STK39: variants seen among roughly 807,000 people sequenced by gnomAD.
STK39 encodes STE20/SPS1-related proline-alanine-rich protein kinase.
Under a neutral mutation model 77.8 loss-of-function variants are expected in STK39, and 20 were observed. That is an observed-to-expected ratio of 0.26 (90% CI 0.18 to 0.37). The LOEUF is 0.37. Among genes scored for constraint, STK39 ranks in the 10% least tolerant of loss-of-function variants. The pLI is 1.00. For synonymous variants in STK39, 246 were observed against 234.1 expected (o/e 1.05, Z -0.47); for missense variants, 479 against 656.5 (o/e 0.73, Z 2.95).
chr2:167,960,049 T>C (rs972411479), intron 17 of STK39, among the ~76,000 whole-genome samples: 1 of 152,250 alleles, frequency 6.6e-6, no homozygotes, highest in Non-Finnish European at 1.5e-5. Context: ...TTCTATTTCA[T>C]GGTTTTGCGT....
rs1160136521 is a variant in STK39 at position 167,955,370 on chromosome 2, A to T, written c.*126T>A. 1.1e-6 allele frequency: 1 copy of T among 902,508 alleles called. No individual in the cohort carries two copies. The highest frequency in any genetic ancestry group is 1.7e-6 in the Non-Finnish European group (1 of 594,344). 55.9% of individuals were successfully genotyped at this position (902,508 alleles called of 1,614,324 possible). On this transcript the variant is annotated 3_prime_UTR_variant, in exon 18 of 18. Transcript: ENST00000355999. ...TTTTGTTGAAGCCGGCCTCTTCACA[A>T]TCTTCTGATTTTGCTAGGAAATGGG... is the stretch of plus-strand genomic sequence containing the variant.
chr2:168,189,170 T>C (rs1689278902), intron 1 of STK39, among the ~76,000 whole-genome samples: 2 of 152,242 alleles, frequency 1.3e-5, no homozygotes, highest in South Asian at 2.1e-4. Flanking sequence ...AATGTACTTA[T>C]GTTTCACCAC....
At chr2:168,116,652 T>A (rs1447694468) in intron 10 of STK39, among the ~76,000 whole-genome samples, 2 of 152,174 alleles carry the variant, frequency 1.3e-5, no homozygotes, top group Non-Finnish European at 2.9e-5. Flanking sequence ...TGCTGGCCTC[T>A]CCACATTCCC....
intron 10 of STK39, among the ~76,000 whole-genome samples, chr2:168,126,890 C>T (rs1183850547): frequency 6.6e-6 from 1 of 152,132 alleles, no homozygotes. Context: ...ACTCTCTTTT[C>T]TCTAGGATGC....
intron 10 of STK39, among the ~76,000 whole-genome samples, chr2:168,080,395 C>T (rs908111335): frequency 8.6e-5 from 13 of 151,992 alleles, no homozygotes; most frequent in African/African-American, 2.7e-4. Flanking sequence ...TTTGGGAGGC[C>T]GAGGTGGGCA....
chr2:168,150,057 A>G (rs568176136), intron 5 of STK39, among the ~76,000 whole-genome samples: 3 of 152,242 alleles, frequency 2.0e-5, no homozygotes, highest in Non-Finnish European at 2.9e-5. Flanking sequence ...GACCTACTGA[A>G]TCAGAATCTG....
In STK39 at chr2:168,129,567, G is replaced by C. The variant is rs1214463284; in HGVS notation, c.1063C>G (p.Pro355Ala). Residue 355 changes from proline to alanine, a missense_variant, in exon 10 of 18, where the codon CCA becomes GCA. Pro to Ala is a conservative substitution (Grantham distance 27). Coordinates refer to ENST00000355999, the MANE Select transcript of STK39 (RefSeq NM_013233.3). ...TTTTTGGCTCTTTGGGCTATGTCTG[G>C]TGTTCTTGTAAGCAGCTTCTCAATC... The part of the protein sequence containing the change: ...YLIEKLLTRT[P>A]DIAQRAKKVR... 2 of 1,614,032 alleles carry C rather than the reference G, an allele frequency of 1.2e-6. No homozygotes were observed. The highest frequency in any genetic ancestry group is 1.7e-5 in the Admixed American group (1 of 60,022).
At chr2:168,227,782 C>T (rs1461415856) in intron 1 of STK39, among the ~76,000 whole-genome samples, 1 of 152,132 alleles carries the variant, frequency 6.6e-6, no homozygotes, top group African/African-American at 2.4e-5. Flanking sequence ...CTCAGCCTCC[C>T]GAGTAGCTGA....
chr2:168,215,023 T>C lies in STK39; in HGVS notation c.208+32205A>G, dbSNP rs550610488. 2.0e-5 allele frequency among the ~76,000 whole-genome samples: 3 copies of C among 152,326 alleles called. No homozygotes were observed. The East Asian group carries it at 5.8e-4, about 29-fold the overall frequency. ...AGTCTCTTTTACAGCTCTAGGGATG[T>C]ACCATGATCCATGTGTTTTCAACAC... On this transcript the variant is annotated intron_variant, in intron 1 of 17. Transcript: ENST00000355999.
intron 10 of STK39, among the ~76,000 whole-genome samples, chr2:168,085,071 C>T (rs781467543): frequency 2.2e-4 from 33 of 152,178 alleles, no homozygotes; most frequent in African/African-American, 8.0e-4. Flanking sequence ...CAACAAGATT[C>T]ACAGAAAACC....
chr2:168,002,595 G>A (rs1478527972), intron 16 of STK39, among the ~76,000 whole-genome samples: 1 of 152,034 alleles, frequency 6.6e-6, no homozygotes, highest in Admixed American at 6.6e-5. Flanking sequence ...TTTTTTTCTA[G>A]GAATTCTTTC....
chr2:168,087,342 T>C (rs1325537136), intron 10 of STK39, among the ~76,000 whole-genome samples: 2 of 152,232 alleles, frequency 1.3e-5, no homozygotes, highest in Non-Finnish European at 2.9e-5. Flanking sequence ...TCAGTTCTAG[T>C]TGTCAGGTTG....
intron 2 of STK39, among the ~76,000 whole-genome samples, chr2:168,172,031 C>T (rs907855326): frequency 1.3e-5 from 2 of 152,086 alleles, no homozygotes; most frequent in Non-Finnish European, 2.9e-5. Flanking sequence ...ATTACCTAGG[C>T]GGGTTATCCA....
chr2:167,978,406 G>C (rs1683335689), intron 16 of STK39, among the ~76,000 whole-genome samples: 1 of 152,136 alleles, frequency 6.6e-6, no homozygotes, highest in Non-Finnish European at 1.5e-5. Context: ...ACAGCTTAAA[G>C]GTTAGAAGCA....
At chr2:168,025,326 T>C (rs780933808) in intron 14 of STK39, among the ~76,000 whole-genome samples, 1 of 152,220 alleles carries the variant, frequency 6.6e-6, no homozygotes, top group Non-Finnish European at 1.5e-5. Context: ...CAAAACGGAA[T>C]GTATCACTTT....
chr2:167,959,205 G>A (rs958072162), intron 17 of STK39, among the ~76,000 whole-genome samples: 3 of 150,142 alleles, frequency 2.0e-5, no homozygotes, highest in East Asian at 2.0e-4. Context: ...TGCAACCTCC[G>A]CCTCCCGGGT....
At chr2:168,086,290 C>T (rs1686365839) in intron 10 of STK39, among the ~76,000 whole-genome samples, 2 of 152,058 alleles carry the variant, frequency 1.3e-5, no homozygotes, top group Non-Finnish European at 2.9e-5. Context: ...TGTGTATACT[C>T]CAGGCCTCTG....
chr2:168,162,185 C>T (rs1688588905), intron 4 of STK39, among the ~76,000 whole-genome samples: 3 of 149,700 alleles, frequency 2.0e-5, no homozygotes, highest in Admixed American at 6.8e-5. Flanking sequence ...ACTTGGGAGG[C>T]TGAGGCAGAA....
chr2:168,203,354 A>C (rs1689659852), intron 1 of STK39, among the ~76,000 whole-genome samples: 1 of 152,220 alleles, frequency 6.6e-6, no homozygotes. Context: ...TGCCTGAAGG[A>C]AACATGGAAG....
Sources: gnomAD v4.1 joint callset for allele counts (sites outside exome capture counted in the v4.1 genomes callset) on GRCh38, gnomAD v4.1.1 for gene constraint, MANE v1.5 for transcripts, NCBI Gene and HGNC (gene_info 2026-07-23, HGNC 2026-07-21) for gene names.